ELMO1: variants seen among roughly 807,000 people sequenced by gnomAD.
ELMO1 encodes engulfment and cell motility protein 1.
A neutral mutation model predicts 98.9 loss-of-function variants in ELMO1; 26 were observed. That is an observed-to-expected ratio of 0.26 (90% confidence interval 0.19 to 0.36). The LOEUF is 0.36. Among genes scored for constraint, ELMO1 ranks in the 10% least tolerant of loss-of-function variants. The pLI is 1.00. For synonymous variants in ELMO1, 346 were observed against 346.0 expected (o/e 1.00, Z 0.00); for missense variants, 627 against 935.2 (o/e 0.67, Z 4.30).
At chr7:37,126,837 T>C (rs1356920403) in intron 14 of ELMO1, among the ~76,000 whole-genome samples, 7 of 152,222 alleles carry the variant, frequency 4.6e-5, no homozygotes, top group Admixed American at 4.6e-4. Context: ...TGAATGAATA[T>C]GAATGTTAAA....
intron 16 of ELMO1, chr7:36,919,446 AGAAT>A (rs1339902077): frequency 1.9e-6 from 1 of 520,986 alleles, no homozygotes; most frequent in Non-Finnish European, 4.0e-6. Flanking sequence ...TAAACTAGGA[AGAAT>A]GTGGGCTTTG....
At chr7:36,958,105 T>C (rs967240443) in intron 16 of ELMO1, among the ~76,000 whole-genome samples, 3 of 152,218 alleles carry the variant, frequency 2.0e-5, no homozygotes, top group African/African-American at 7.2e-5. Context: ...CTTTTCCTTG[T>C]CCATCACCCC....
intron 16 of ELMO1, among the ~76,000 whole-genome samples, chr7:36,965,773 T>A (rs1391693500): frequency 6.6e-6 from 1 of 152,134 alleles, no homozygotes; most frequent in Non-Finnish European, 1.5e-5. Flanking sequence ...TCCAAACACA[T>A]CATTTCCTCT....
At chr7:37,359,028 T>G (rs928002183) in intron 1 of ELMO1, among the ~76,000 whole-genome samples, 5 of 152,196 alleles carry the variant, frequency 3.3e-5, no homozygotes, top group African/African-American at 1.2e-4. Flanking sequence ...ATGGCTTCTA[T>G]AACAGAATAG....
intron 1 of ELMO1, among the ~76,000 whole-genome samples, chr7:37,431,867 T>G (rs1214261466): frequency 6.6e-6 from 1 of 151,740 alleles, no homozygotes; most frequent in Non-Finnish European, 1.5e-5. Flanking sequence ...GTTTGTTTTT[T>G]GTTTGTTTGT....
rs1439185678 is a variant in ELMO1, at chr7:37,361,619, T to G, written c.-73-18856A>C. Among the ~76,000 whole-genome samples the G allele has an allele frequency of 2.6e-5, 4 of 152,332 alleles. No individual in the cohort carries two copies. The East Asian group carries it at 7.7e-4, about 29-fold the overall frequency. On this transcript the variant is annotated intron_variant, in intron 1 of 21. Coordinates refer to ENST00000310758, the MANE Select transcript of ELMO1 (RefSeq NM_014800.11). ...AAGTCAGTTATAAAAGACAACATAC[T>G]ATATGATTCCATTTCTAGAAAATTC...
At chr7:37,025,323 T>A (rs1167602983) in intron 15 of ELMO1, among the ~76,000 whole-genome samples, 1 of 152,246 alleles carries the variant, frequency 6.6e-6, no homozygotes, top group Non-Finnish European at 1.5e-5. Context: ...TCTTGCTAAA[T>A]AGATTTTACT....
chr7:36,990,452 T>A (rs1422498873), intron 16 of ELMO1, among the ~76,000 whole-genome samples: 3 of 152,178 alleles, frequency 2.0e-5, no homozygotes, highest in African/African-American at 4.8e-5. Flanking sequence ...TCAGATTTAC[T>A]ATGTGCTGTC....
Position 36,861,686 on chromosome 7 carries a change from C to T in ELMO1, c.1956G>A (p.Leu652=). ...FSILYDSNCQ[L]NFIAPDKHEY... ...CATGCTTGTCAGGAGCGATGAAGTT[C>T]AGTTGGCAGTTTGAGTCATACAAGA... Residue 652 remains leucine, a synonymous_variant, in exon 21 of 22, where the codon CTG becomes CTA. Coordinates refer to ENST00000310758, the MANE Select transcript of ELMO1 (RefSeq NM_014800.11). 1.2e-6 allele frequency: 2 copies of T among 1,612,694 alleles called. No individual in the cohort carries two copies. The highest frequency in any genetic ancestry group is 8.5e-7 in the Non-Finnish European group (1 of 1,179,754).
chr7:37,323,673 G>A (rs1167845232), intron 2 of ELMO1, among the ~76,000 whole-genome samples: 1 of 152,196 alleles, frequency 6.6e-6, no homozygotes, highest in Admixed American at 6.5e-5. Context: ...TTCTCTACCA[G>A]CTGATTTTCA....
intron 16 of ELMO1, among the ~76,000 whole-genome samples, chr7:36,920,351 A>G (rs1785046963): frequency 6.6e-6 from 1 of 152,256 alleles, no homozygotes; most frequent in African/African-American, 2.4e-5. Flanking sequence ...CTCTGGAGGA[A>G]GAGGCTGACC....
intron 1 of ELMO1, among the ~76,000 whole-genome samples, chr7:37,370,698 C>T (rs1469620840): frequency 1.3e-5 from 2 of 152,044 alleles, no homozygotes; most frequent in Admixed American, 1.3e-4. Context: ...AATGCAGAGA[C>T]CCCCCGCCAA....
chr7:36,939,173 T>TC (rs1461630632), intron 16 of ELMO1, among the ~76,000 whole-genome samples: 1 of 150,864 alleles, frequency 6.6e-6, no homozygotes, highest in East Asian at 1.9e-4. Flanking sequence ...GAAATGAGTT[T>TC]TTTTTTTTTT....
At chr7:37,365,560 C>T (rs1336871230) in intron 1 of ELMO1, among the ~76,000 whole-genome samples, 1 of 124,522 alleles carries the variant, frequency 8.0e-6, no homozygotes, top group Non-Finnish European at 1.7e-5. Context: ...CTACTCATCT[C>T]AGTCATTCTT....
chr7:36,882,504 G>C (rs752542751), intron 18 of ELMO1, among the ~76,000 whole-genome samples: 3 of 152,198 alleles, frequency 2.0e-5, no homozygotes, highest in Non-Finnish European at 4.4e-5. Flanking sequence ...TAAAAGGACA[G>C]ATTTGTGTTT....
At chr7:36,993,728 A>G (rs1452399215) in intron 16 of ELMO1, among the ~76,000 whole-genome samples, 1 of 152,234 alleles carries the variant, frequency 6.6e-6, no homozygotes, top group African/African-American at 2.4e-5. Flanking sequence ...TGATATTAAA[A>G]ATAAAAATTG....
intron 13 of ELMO1, among the ~76,000 whole-genome samples, chr7:37,181,711 T>C (rs1024734044): frequency 2.6e-5 from 4 of 152,148 alleles, no homozygotes; most frequent in African/African-American, 9.7e-5. Context: ...GGTTAAGTAT[T>C]TTGCCCAGGG....
chr7:37,215,719 C>T (rs1243028287), intron 11 of ELMO1, among the ~76,000 whole-genome samples: 2 of 152,234 alleles, frequency 1.3e-5, no homozygotes, highest in African/African-American at 2.4e-5. Flanking sequence ...TAAGGGCTCT[C>T]GCCCAGGTCT....
chr7:36,919,610 C>T (rs191358823), intron 16 of ELMO1, among the ~76,000 whole-genome samples: 2 of 152,236 alleles, frequency 1.3e-5, no homozygotes, highest in Admixed American at 6.5e-5. Context: ...GTAGGCCTGG[C>T]AACTGTGGAA....
Sources: allele counts gnomAD v4.1 joint callset (sites outside exome capture counted in the v4.1 genomes callset), GRCh38; gene constraint gnomAD v4.1.1; transcripts MANE v1.5; gene names NCBI Gene and HGNC (gene_info 2026-07-23, HGNC 2026-07-21).